TMEM178B: variants seen among roughly 807,000 people sequenced by gnomAD.
TMEM178B encodes the protein transmembrane protein 178B.
A neutral mutation model predicts 31.0 loss-of-function variants in TMEM178B; 5 were observed. That is an observed-to-expected ratio of 0.16 (90% confidence interval 0.08 to 0.34). The LOEUF is 0.34. Among genes scored for constraint, TMEM178B ranks in the 10% least tolerant of loss-of-function variants. TMEM178B has a pLI of 1.00. For missense variants in TMEM178B, 275 were observed against 400.3 expected (o/e 0.69, Z 2.67); for synonymous variants, 164 against 164.0 (o/e 1.00, Z 0.00).
At chr7:141,427,104 A>T (rs185409607) in intron 2 of TMEM178B, among the ~76,000 whole-genome samples, 8 of 152,322 alleles carry the variant, frequency 5.3e-5, no homozygotes, top group African/African-American at 1.9e-4. Context: ...CATGGATTGG[A>T]ATAATTTATA....
intron 1 of TMEM178B, among the ~76,000 whole-genome samples, chr7:141,156,831 C>G (rs1796078480): frequency 1.3e-5 from 2 of 152,196 alleles, no homozygotes; most frequent in Non-Finnish European, 2.9e-5. Context: ...GACCCAATTT[C>G]TAACTGGTTG....
intron 1 of TMEM178B, among the ~76,000 whole-genome samples, chr7:141,149,863 A>G (rs1266401662): frequency 6.6e-6 from 1 of 152,176 alleles, no homozygotes; most frequent in Non-Finnish European, 1.5e-5. Context: ...ACTATGTGAC[A>G]ATACATTTCT....
chr7:141,131,989 T>C (rs1314168091), intron 1 of TMEM178B, among the ~76,000 whole-genome samples: 1 of 152,090 alleles, frequency 6.6e-6, no homozygotes, highest in Admixed American at 6.6e-5. Flanking sequence ...GAGTATGCAG[T>C]TCTGTTTGTA....
chr7:141,495,906 A>G, the TMEM178B span, among the ~76,000 whole-genome samples: 1 of 152,236 alleles, frequency 6.6e-6, no homozygotes, highest in African/African-American at 2.4e-5. Context: ...GACTGGGGGA[A>G]GAAAATTGAT....
chr7:141,094,796 G>A (rs1794931815), intron 1 of TMEM178B, among the ~76,000 whole-genome samples: 1 of 152,158 alleles, frequency 6.6e-6, no homozygotes, highest in Non-Finnish European at 1.5e-5. Context: ...TTGAGATAAA[G>A]CTGCTTTATT....
At chr7:141,271,944 T>C (rs1798192497) in intron 2 of TMEM178B, among the ~76,000 whole-genome samples, 1 of 152,220 alleles carries the variant, frequency 6.6e-6, no homozygotes, top group Admixed American at 6.5e-5. Flanking sequence ...CCTTCAGATC[T>C]GCCCTATTGT....
intron 3 of TMEM178B, among the ~76,000 whole-genome samples, chr7:141,452,597 A>G (rs1298426085): frequency 1.3e-5 from 2 of 152,104 alleles, no homozygotes; most frequent in Non-Finnish European, 2.9e-5. Context: ...GTAGTTTGGG[A>G]GTCATTTAGC....
At chr7:141,237,938 G>A (rs1042245006) in intron 2 of TMEM178B, among the ~76,000 whole-genome samples, 5 of 151,134 alleles carry the variant, frequency 3.3e-5, no homozygotes, top group Admixed American at 2.0e-4. Context: ...CAGGAGAATC[G>A]CTTGAACCTG....
chr7:141,118,461 A>G (rs982544443), intron 1 of TMEM178B, among the ~76,000 whole-genome samples: 3 of 152,254 alleles, frequency 2.0e-5, no homozygotes, highest in African/African-American at 4.8e-5. Flanking sequence ...CCTAGTTTGC[A>G]GGATGAAATG....
At chr7:141,113,147 T>A (rs1795261452) in intron 1 of TMEM178B, among the ~76,000 whole-genome samples, 1 of 152,200 alleles carries the variant, frequency 6.6e-6, no homozygotes, top group Non-Finnish European at 1.5e-5. Flanking sequence ...CCTTTGCTCA[T>A]GTCTGTGTGG....
At chr7:141,436,911 T>C (rs1387667476) in intron 2 of TMEM178B, among the ~76,000 whole-genome samples, 1 of 151,620 alleles carries the variant, frequency 6.6e-6, no homozygotes, top group Non-Finnish European at 1.5e-5. Context: ...GTGGAGGAGA[T>C]GGAGTAAGTG....
chr7:141,199,847 C>T (rs1347221174), intron 1 of TMEM178B, among the ~76,000 whole-genome samples: 7 of 152,092 alleles, frequency 4.6e-5, no homozygotes, highest in Non-Finnish European at 7.4e-5. Flanking sequence ...GTCAGGAGAT[C>T]GAGACCATCC....
rs1489879019 is a variant in TMEM178B at position 141,476,167 on chromosome 7, G to A, written c.*5381G>A. ...TGCTGAAGGATAACCCAGAGTGCAA[G>A]GTCATCTTTGTTGCTGAACAGGGCT... is the stretch of plus-strand genomic sequence containing the variant. On this transcript the variant is annotated 3_prime_UTR_variant, in exon 4 of 4. Transcript: ENST00000565468. The A allele has an allele frequency of 2.0e-5, 3 of 152,196 alleles. No homozygotes were observed. Among genetic ancestry groups the A allele is most frequent in the Non-Finnish European group, 2.9e-5 (2 of 68,036 alleles). 9.4% of individuals were successfully genotyped at this position (152,196 alleles called of 1,614,324 possible).
At chr7:141,105,680 A>G (rs978007586) in intron 1 of TMEM178B, among the ~76,000 whole-genome samples, 6 of 152,220 alleles carry the variant, frequency 3.9e-5, no homozygotes, top group African/African-American at 1.4e-4. Context: ...GGGAAAACCT[A>G]AAATGCTCTA....
intron 2 of TMEM178B, among the ~76,000 whole-genome samples, chr7:141,343,044 C>G (rs1254593996): frequency 6.6e-6 from 1 of 152,192 alleles, no homozygotes; most frequent in Admixed American, 6.5e-5. Flanking sequence ...GGCCCACCCC[C>G]AGGGTTTCTG....
chr7:141,308,453 C>G (rs1798854895), intron 2 of TMEM178B, among the ~76,000 whole-genome samples: 1 of 152,110 alleles, frequency 6.6e-6, no homozygotes, highest in South Asian at 2.1e-4. Flanking sequence ...GGCTGGAGTA[C>G]AGTGGTGCAA....
intron 2 of TMEM178B, among the ~76,000 whole-genome samples, chr7:141,218,116 C>G (rs747130041): frequency 6.6e-6 from 1 of 151,984 alleles, no homozygotes; most frequent in Admixed American, 6.6e-5. Context: ...GCTCACTCAT[C>G]GGCCCTGTGG....
chr7:141,463,588 T>A (rs1171223460), intron 3 of TMEM178B, among the ~76,000 whole-genome samples: 1 of 152,186 alleles, frequency 6.6e-6, no homozygotes, highest in Non-Finnish European at 1.5e-5. Context: ...GCTGCCGCCA[T>A]GGATCAGGGT....
intron 2 of TMEM178B, among the ~76,000 whole-genome samples, chr7:141,312,522 G>A (rs182637971): frequency 5.3e-5 from 8 of 152,326 alleles, no homozygotes; most frequent in East Asian, 1.9e-4. Flanking sequence ...GTTCTAACCC[G>A]TAGATATTTC....
Sources: allele counts gnomAD v4.1 joint callset (sites outside exome capture counted in the v4.1 genomes callset), GRCh38; gene constraint gnomAD v4.1.1; transcripts MANE v1.5; gene names NCBI Gene and HGNC (gene_info 2026-07-23, HGNC 2026-07-21).